The following THRB variants were observed in gnomAD, a reference collection of about 807,000 sequenced individuals.
THRB encodes the protein nuclear receptor subfamily 1 group A member 2.
THRB carries 12 observed loss-of-function variants against 47.8 expected under a neutral mutation model. The ratio of observed to expected loss-of-function variants is 0.25; its 90% CI spans 0.16 to 0.41. The LOEUF (loss-of-function observed/expected upper bound fraction) is 0.41. Among genes scored for constraint, THRB ranks in the 10% least tolerant of loss-of-function variants. The pLI is 1.00. For synonymous variants in THRB, 218 were observed against 212.2 expected, an observed-to-expected ratio of 1.03 and a Z score of -0.24; for missense variants, 348 against 589.2, an observed-to-expected ratio of 0.59 and a Z score of 4.24.
At chr3:24,490,226 A>T (rs544410632) in intron 1 of THRB, among the ~76,000 whole-genome samples, 1 of 152,354 alleles carries the variant, frequency 6.6e-6, no homozygotes, top group South Asian at 2.1e-4. Flanking sequence ...TGAGGAATCA[A>T]ATCAAAGAAT....
intron 2 of THRB, 114 bp downstream of exon 2, chr3:24,337,186 A>G (rs1371489723): frequency 6.6e-6 from 1 of 152,206 alleles, no homozygotes; most frequent in Non-Finnish European, 1.5e-5. Context: ...TCAAAACTAC[A>G]TTAAATAACA....
chr3:24,421,991 A>G (rs2069307628), intron 1 of THRB, among the ~76,000 whole-genome samples: 1 of 151,926 alleles, frequency 6.6e-6, no homozygotes, highest in South Asian at 2.1e-4. Flanking sequence ...TTCCCCATCA[A>G]CAAGAATGTG....
At chr3:24,283,700 A>G (rs1231468963) in intron 3 of THRB, among the ~76,000 whole-genome samples, 4 of 148,978 alleles carry the variant, frequency 2.7e-5, no homozygotes, top group Non-Finnish European at 6.0e-5. Context: ...GTCTCAGCCC[A>G]AAATCTCCTT....
intron 1 of THRB, among the ~76,000 whole-genome samples, chr3:24,364,101 G>A (rs920171835): frequency 7.9e-5 from 12 of 152,056 alleles, no homozygotes; most frequent in African/African-American, 2.9e-4. Flanking sequence ...AGTTATAAAG[G>A]CCTTGCCACT....
At chr3:24,418,329 CT>C (rs372366359) in intron 1 of THRB, among the ~76,000 whole-genome samples, 247 of 142,212 alleles carry the variant, frequency 1.7e-3, no homozygotes, top group Middle Eastern at 7.5e-3. Flanking sequence ...TTTTAAAAGA[CT>C]TTTTTTTTTT....
chr3:24,173,004 G>T (rs2040629781), intron 5 of THRB, among the ~76,000 whole-genome samples: 1 of 152,126 alleles, frequency 6.6e-6, no homozygotes, highest in Non-Finnish European at 1.5e-5. Flanking sequence ...GTTCCACAAA[G>T]ATTATAAAAG....
At chr3:24,200,487 C>T (rs17014331) in intron 4 of THRB, among the ~76,000 whole-genome samples, 14,798 of 152,162 alleles carry the variant, frequency 0.097, 779 homozygotes, top group Admixed American at 0.16. Flanking sequence ...CTGTAAAAAT[C>T]TCAGTACTTG....
chr3:24,204,635 G>A (rs1297045459), intron 4 of THRB, among the ~76,000 whole-genome samples: 4 of 152,190 alleles, frequency 2.6e-5, no homozygotes, highest in Non-Finnish European at 5.9e-5. Flanking sequence ...CACCAGCAAT[G>A]GAACAAAGCT....
intron 1 of THRB, among the ~76,000 whole-genome samples, chr3:24,426,103 C>T (rs1298830481): frequency 6.6e-6 from 1 of 151,906 alleles, no homozygotes; most frequent in Non-Finnish European, 1.5e-5. Context: ...TATTTACCTA[C>T]CTATCTATCT....
At chr3:24,333,347 G>T (rs1000999819) in intron 2 of THRB, among the ~76,000 whole-genome samples, 2 of 152,184 alleles carry the variant, frequency 1.3e-5, no homozygotes, top group African/African-American at 4.8e-5. Context: ...AGAGAGAAAA[G>T]AAAGAAATAA....
intron 1 of THRB, among the ~76,000 whole-genome samples, chr3:24,367,724 A>G (rs6550858): frequency 0.18 from 27,137 of 152,162 alleles, 2,855 homozygotes; most frequent in Middle Eastern, 0.27. Flanking sequence ...TGGATACTCT[A>G]AGGCACTTCT....
At chr3:24,242,170 G>A (rs746827132) in intron 3 of THRB, among the ~76,000 whole-genome samples, 2 of 152,224 alleles carry the variant, frequency 1.3e-5, no homozygotes, top group Non-Finnish European at 2.9e-5. Flanking sequence ...TTACAAATCA[G>A]CTTTCCCTAA....
At chr3:24,223,047 T>C (rs924731152) in intron 4 of THRB, among the ~76,000 whole-genome samples, 11 of 152,016 alleles carry the variant, frequency 7.2e-5, no homozygotes. Flanking sequence ...GAGCCGAGGG[T>C]CGTGTTGGCA....
At chr3:24,224,135 C>T (rs973507861) in intron 4 of THRB, among the ~76,000 whole-genome samples, 3 of 152,072 alleles carry the variant, frequency 2.0e-5, no homozygotes, top group Middle Eastern at 3.2e-3. Context: ...GCTGTTCAGT[C>T]CCTTTGACCC....
At chr3:24,223,379 T>C (rs1277628412) in intron 4 of THRB, among the ~76,000 whole-genome samples, 1 of 152,178 alleles carries the variant, frequency 6.6e-6, no homozygotes, top group Non-Finnish European at 1.5e-5. Context: ...TTGAGGTCTG[T>C]CCCTCAGTAC....
chr3:24,216,863 T>C (rs1031966938), intron 4 of THRB, among the ~76,000 whole-genome samples: 1 of 152,092 alleles, frequency 6.6e-6, no homozygotes, highest in African/African-American at 2.4e-5. Flanking sequence ...ATGAATATTT[T>C]CATTATGCAT....
At chr3:24,461,193 G>A (rs2073667712) in intron 1 of THRB, among the ~76,000 whole-genome samples, 1 of 152,162 alleles carries the variant, frequency 6.6e-6, no homozygotes, top group South Asian at 2.1e-4. Context: ...CTACAGTCTT[G>A]GGTTTTGAAG....
chr3:24,135,847 A>ATATAAAAATT (rs371175625), intron 8 of THRB, among the ~76,000 whole-genome samples: 4 of 131,004 alleles, frequency 3.1e-5, no homozygotes, highest in Admixed American at 7.4e-5. Flanking sequence ...ATATATATAT[A>ATATAAAAATT]ATACATAAAT....
At chr3:24,349,560 T>C (rs1219390078) in intron 1 of THRB, among the ~76,000 whole-genome samples, 2 of 152,098 alleles carry the variant, frequency 1.3e-5, no homozygotes, top group African/African-American at 4.8e-5. Flanking sequence ...TATACCATCA[T>C]TAATCATTAA....
Sources: gnomAD v4.1 joint callset for allele counts (sites outside exome capture counted in the v4.1 genomes callset) on GRCh38, gnomAD v4.1.1 for gene constraint, MANE v1.5 for transcripts, NCBI Gene and HGNC (gene_info 2026-07-23, HGNC 2026-07-21) for gene names.